DCAF1: variants seen among roughly 807,000 people sequenced by gnomAD.
DCAF1 encodes the protein DDB1- and CUL4-associated factor 1.
In DCAF1, 15 loss-of-function variants were observed where a neutral mutation model predicts 128.0. That is an observed-to-expected ratio of 0.12 (90% CI 0.08 to 0.18). The LOEUF is 0.18. Among genes scored for constraint, DCAF1 ranks in the 10% least tolerant of loss-of-function variants. The pLI is 1.00. For synonymous variants in DCAF1, 610 were observed against 603.0 expected (o/e 1.01, Z -0.17); for missense variants, 988 against 1,649.5 (o/e 0.60, Z 6.95).
At position 51,483,771 on chromosome 3, in the gene DCAF1, G is replaced by T. The variant is rs782237457; in HGVS notation, c.58C>A (p.Gln20Lys). The T allele has an allele frequency of 6.2e-7, 1 of 1,613,802 alleles. No homozygotes were observed. Among genetic ancestry groups the T allele is most frequent in the South Asian group, 1.1e-5 (1 of 91,074 alleles). ...SKAELTTLLE[Q>K]WEKEHGSGQD... Reference sequence around the variant, plus strand: ...CCACTGCCATGTTCCTTTTCCCACTGCTCCAGCAGGGTAGTGAGCTCAGCT... The same window carrying T: ...CCACTGCCATGTTCCTTTTCCCACTTCTCCAGCAGGGTAGTGAGCTCAGCT... The change falls in exon 3 of 25, where the codon CAG becomes AAG. Residue 20 changes from glutamine (Q) to lysine (K), a missense_variant. Coordinates refer to ENST00000684031, the MANE Select transcript of DCAF1 (RefSeq NM_001387579.1).
At position 51,420,648 on chromosome 3, in the gene DCAF1, G is replaced by A. The variant is rs781835730; in HGVS notation, c.2322C>T (p.Ile774=). 1 of 1,614,048 alleles carries A rather than the reference G, an allele frequency of 6.2e-7. No homozygotes were observed. The highest frequency in any genetic ancestry group is 1.7e-5 in the Admixed American group (1 of 60,034). The part of the protein sequence containing the change: ...GLSRSSTVRQ[I]ISKLPLFSSC... The stretch of plus-strand genomic sequence containing the variant: ...TGCTGAAAAGGGGCAGTTTACTGAT[G>A]ATCTGCCGGACAGTGCTACTGCGAG... The change falls in exon 15 of 25, where the codon ATC becomes ATT. Residue 774 remains isoleucine, a synonymous_variant. Transcript: ENST00000684031. This position sits in a 1 kb window ranked among gnomAD's most constrained non-coding sequence, Gnocchi z 6.5.
intron 6 of DCAF1, 70 bp from the exon 7 acceptor site, chr3:51,443,973 T>C (rs1020906601): frequency 2.1e-6 from 3 of 1,451,146 alleles, no homozygotes; most frequent in Middle Eastern, 1.8e-4. Context: ...TAAGCAAAGA[T>C]TTCAGTCTCA....
At chr3:51,433,795 T>C (rs971949697) in intron 9 of DCAF1, among the ~76,000 whole-genome samples, 2 of 149,222 alleles carry the variant, frequency 1.3e-5, no homozygotes, top group Non-Finnish European at 3.0e-5. Context: ...GATATTGCTG[T>C]AAGGGCTGGG....
chr3:51,398,175 A>C lies in DCAF1; in HGVS notation c.*594T>G, dbSNP rs1380078019. 1 of 152,106 alleles carries C rather than the reference A, an allele frequency of 6.6e-6. No individual in the cohort carries two copies. The highest frequency in any genetic ancestry group is 1.9e-4 in the East Asian group (1 of 5,198). The allele number at this position is 152,106 out of a possible 1,614,324, so 9.4% of individuals were successfully genotyped here. A position where few individuals can be genotyped will look rare whatever the true frequency, so the allele number is the denominator to read the frequency against. Reference sequence around the variant, plus strand: ...CTGACAGCATATGAGGCAACAAAACAGGTTAAAAAATCATATATTATATTT... The same window carrying C: ...CTGACAGCATATGAGGCAACAAAACCGGTTAAAAAATCATATATTATATTT... On this transcript the variant is annotated 3_prime_UTR_variant, in exon 25 of 25. Coordinates refer to ENST00000684031, the MANE Select transcript of DCAF1 (RefSeq NM_001387579.1).
chr3:51,406,251 G>A (rs1275742868), intron 23 of DCAF1, among the ~76,000 whole-genome samples: 3 of 146,580 alleles, frequency 2.0e-5, no homozygotes, highest in Non-Finnish European at 4.5e-5. Context: ...GCTGAGGCAG[G>A]AGAATGGCAT....
chr3:51,403,465 C>A, intron 23 of DCAF1, 70 bp from the exon 24 acceptor site: 1 of 1,523,444 alleles, frequency 6.6e-7, no homozygotes, highest in South Asian at 1.3e-5. Flanking sequence ...CATGGCGGGT[C>A]GACCAAAGAG....
intron 2 of DCAF1, among the ~76,000 whole-genome samples, chr3:51,484,664 A>G (rs1430969201): frequency 1.4e-5 from 2 of 145,344 alleles, no homozygotes; most frequent in Non-Finnish European, 3.0e-5. Context: ...AGCATGGCAC[A>G]CTCCTGTTTA....
chr3:51,406,739 T>TG (rs1173362467), intron 23 of DCAF1, among the ~76,000 whole-genome samples: 1 of 152,188 alleles, frequency 6.6e-6, no homozygotes, highest in African/African-American at 2.4e-5. Flanking sequence ...TACCCACTCC[T>TG]GCTCTGGATC....
intron 24 of DCAF1, 28 bp from the exon 25 acceptor site, chr3:51,398,855 G>C: frequency 1.3e-6 from 2 of 1,569,380 alleles, no homozygotes; most frequent in South Asian, 2.3e-5. Flanking sequence ...GGAGAGACAA[G>C]ATTACACACT....
intron 6 of DCAF1, among the ~76,000 whole-genome samples, chr3:51,454,098 G>C (rs983180336): frequency 6.6e-6 from 1 of 152,074 alleles, no homozygotes; most frequent in East Asian, 1.9e-4. Context: ...GCTGGAGTGC[G>C]GCAGCACGAT....
intron 14 of DCAF1, 72 bp downstream of exon 14, chr3:51,422,235 A>G: frequency 1.4e-6 from 1 of 712,656 alleles, no homozygotes; most frequent in South Asian, 1.5e-5. Context: ...CAGGTAAGTA[A>G]CCAAGACCAG....
intron 12 of DCAF1, 98 bp from the exon 13 acceptor site, chr3:51,427,639 T>A: frequency 2.3e-6 from 1 of 442,910 alleles, no homozygotes; most frequent in Non-Finnish European, 4.1e-6. Flanking sequence ...TTTTATTTTA[T>A]TTACTTATTT....
At chr3:51,428,545 C>T (rs1413361086) in intron 12 of DCAF1, among the ~76,000 whole-genome samples, 2 of 152,004 alleles carry the variant, frequency 1.3e-5, no homozygotes, top group African/African-American at 4.8e-5. Flanking sequence ...AGGCTGGTCT[C>T]AAGAAATCTG....
intron 24 of DCAF1, 71 bp from the exon 25 acceptor site, chr3:51,398,898 T>G (rs1211392867): frequency 2.0e-6 from 3 of 1,529,810 alleles, no homozygotes; most frequent in African/African-American, 2.7e-5. Context: ...CAGAAGCACC[T>G]GCACTCACAT....
At chr3:51,410,875 T>C (rs1698343896) in intron 23 of DCAF1, among the ~76,000 whole-genome samples, 1 of 152,162 alleles carries the variant, frequency 6.6e-6, no homozygotes, top group African/African-American at 2.4e-5. Flanking sequence ...GAGACAAAGC[T>C]GGCTGGGCGT....
At chr3:51,493,280 T>A (rs1215771006) in intron 2 of DCAF1, among the ~76,000 whole-genome samples, 1 of 151,800 alleles carries the variant, frequency 6.6e-6, no homozygotes, top group Non-Finnish European at 1.5e-5. Context: ...ACCCCATCTC[T>A]ACTAAAAATA....
intron 23 of DCAF1, among the ~76,000 whole-genome samples, chr3:51,411,163 GAA>G (rs1268364026): frequency 1.7e-5 from 1 of 58,854 alleles, no homozygotes; most frequent in Non-Finnish European, 4.0e-5. Flanking sequence ...CTCCATCTCA[GAA>G]AAAAAAAAAA....
At chr3:51,402,365 G>T (rs781965117) in intron 24 of DCAF1, among the ~76,000 whole-genome samples, 1 of 152,158 alleles carries the variant, frequency 6.6e-6, no homozygotes, top group Non-Finnish European at 1.5e-5. Flanking sequence ...TCTCGGCGGA[G>T]AGCTACACTT....
chr3:51,477,999 C>G (rs907352068), intron 3 of DCAF1, among the ~76,000 whole-genome samples: 1 of 151,934 alleles, frequency 6.6e-6, no homozygotes, highest in Admixed American at 6.6e-5. Flanking sequence ...TGTTCCTTAT[C>G]TGTTAGTTTT....
Sources: gnomAD v4.1 joint callset for allele counts (sites outside exome capture counted in the v4.1 genomes callset) on GRCh38, gnomAD v4.1.1 for gene constraint, Gnocchi (gnomAD v3.1) non-coding constraint, MANE v1.5 for transcripts, NCBI Gene and HGNC (gene_info 2026-07-23, HGNC 2026-07-21) for gene names.